Variants in MAPK10 observed in about 807,000 individuals in gnomAD.
The protein encoded by MAPK10 is JNK3 alpha protein kinase.
MAPK10 carries 25 observed loss-of-function variants against 59.3 expected under a neutral mutation model. The ratio of observed to expected loss-of-function variants is 0.42; its 90% CI spans 0.31 to 0.59. The LOEUF (loss-of-function observed/expected upper bound fraction) is 0.59, where lower values mean the gene tolerates loss of function less well. MAPK10 is among the 20% of genes least tolerant of loss of function. MAPK10 has a pLI of 0.15. For missense variants in MAPK10, 351 were observed against 568.9 expected, an observed-to-expected ratio of 0.62 and a Z score of 3.90; for synonymous variants, 190 against 200.5, an observed-to-expected ratio of 0.95 and a Z score of 0.44.
intron 1 of MAPK10, chr4:86,384,375 TCAAA>T (rs1484756006): frequency 2.0e-5 from 3 of 152,148 alleles, no homozygotes; most frequent in Non-Finnish European, 4.4e-5. Context: ...TGTAGTGTAC[TCAAA>T]CAAACAGCAA....
At chr4:86,446,756 G>C (rs1750098576) in intron 1 of MAPK10, among the ~76,000 whole-genome samples, 1 of 152,070 alleles carries the variant, frequency 6.6e-6, no homozygotes, top group Non-Finnish European at 1.5e-5. Flanking sequence ...TTTAAATTTA[G>C]GGGTGTGAAA....
chr4:86,226,718 C>T (rs1488613135), intron 2 of MAPK10, among the ~76,000 whole-genome samples: 5 of 152,162 alleles, frequency 3.3e-5, no homozygotes, highest in African/African-American at 4.8e-5. Context: ...AAATAAGAAA[C>T]GACAGATGTG....
intron 3 of MAPK10, among the ~76,000 whole-genome samples, chr4:86,179,059 A>G (rs1045700329): frequency 2.0e-5 from 3 of 151,952 alleles, no homozygotes; most frequent in Admixed American, 6.6e-5. Flanking sequence ...AGAATTAGCC[A>G]GGCATGGTGG....
At chr4:86,317,696 T>C (rs912601550) in intron 2 of MAPK10, among the ~76,000 whole-genome samples, 1 of 152,218 alleles carries the variant, frequency 6.6e-6, no homozygotes, top group Admixed American at 6.5e-5. Flanking sequence ...GTTGACCTCA[T>C]ACCTCTTCCA....
chr4:86,360,723 C>T (rs1578894674), upstream of MAPK10, among the ~76,000 whole-genome samples: 3 of 152,056 alleles, frequency 2.0e-5, no homozygotes, highest in East Asian at 5.8e-4. Context: ...TGTACTGTTA[C>T]TATTTGGGGC....
intron 11 of MAPK10, among the ~76,000 whole-genome samples, chr4:86,041,828 G>A (rs894358538): frequency 3.3e-5 from 5 of 152,180 alleles, no homozygotes; most frequent in African/African-American, 4.8e-5. Flanking sequence ...AGATGCTGGC[G>A]AGGCTGTGGA....
At chr4:86,425,913 G>A (rs1023338840) in intron 1 of MAPK10, among the ~76,000 whole-genome samples, 2 of 152,186 alleles carry the variant, frequency 1.3e-5, no homozygotes, top group African/African-American at 4.8e-5. Flanking sequence ...AGAGGTCGCA[G>A]TGAGCCGAGA....
chr4:86,082,919 A>C (rs1166548160), intron 9 of MAPK10, among the ~76,000 whole-genome samples: 1 of 152,172 alleles, frequency 6.6e-6, no homozygotes, highest in Non-Finnish European at 1.5e-5. Flanking sequence ...GGTGCAGTCC[A>C]TCTAGCCATG....
chr4:86,543,886 A>C (rs1758928975), intron 1 of MAPK10, among the ~76,000 whole-genome samples: 1 of 152,368 alleles, frequency 6.6e-6, no homozygotes, highest in Non-Finnish European at 1.5e-5. Flanking sequence ...CTAAACAAAC[A>C]AACAAAAATA....
chr4:86,216,855 T>A (rs923138334), intron 2 of MAPK10, among the ~76,000 whole-genome samples: 6 of 152,080 alleles, frequency 3.9e-5, no homozygotes, highest in Non-Finnish European at 8.8e-5. Context: ...TAGATAGAAA[T>A]ATGCACATTA....
At chr4:86,128,070 A>C (rs1015112670) in intron 4 of MAPK10, among the ~76,000 whole-genome samples, 5 of 152,062 alleles carry the variant, frequency 3.3e-5, no homozygotes, top group Non-Finnish European at 7.4e-5. Flanking sequence ...TTAGACTGGA[A>C]AAACCATGGG....
At chr4:86,158,195 CT>C (rs144309115) in intron 4 of MAPK10, among the ~76,000 whole-genome samples, 12,753 of 151,086 alleles carry the variant, frequency 0.084, 1,198 homozygotes, top group African/African-American at 0.23. Flanking sequence ...TTTTAAACCT[CT>C]TTTTTTTTAT....
chr4:86,168,564 C>T (rs935060595), intron 3 of MAPK10, among the ~76,000 whole-genome samples: 26 of 152,198 alleles, frequency 1.7e-4, no homozygotes, highest in Admixed American at 1.4e-3. Flanking sequence ...CCCGGAAGCT[C>T]CAACTGGGTG....
intron 1 of MAPK10, among the ~76,000 whole-genome samples, chr4:86,380,217 T>C (rs1740474859): frequency 6.6e-6 from 1 of 152,048 alleles, no homozygotes; most frequent in Non-Finnish European, 1.5e-5. Flanking sequence ...AGTGAAACTC[T>C]GTCTAAAAAA....
chr4:86,388,668 C>T (rs999216680), intron 1 of MAPK10, among the ~76,000 whole-genome samples: 5 of 151,946 alleles, frequency 3.3e-5, no homozygotes, highest in Non-Finnish European at 1.5e-5. Context: ...TCAAGGATGG[C>T]GATTGAATCC....
At chr4:86,413,740 C>T (rs1403795472) in intron 1 of MAPK10, among the ~76,000 whole-genome samples, 1 of 152,230 alleles carries the variant, frequency 6.6e-6, no homozygotes, top group Non-Finnish European at 1.5e-5. Flanking sequence ...GGGACTGTAT[C>T]TCCTGGTCCG....
chr4:86,469,934 C>T (rs571025428), intron 1 of MAPK10, among the ~76,000 whole-genome samples: 2 of 152,154 alleles, frequency 1.3e-5, no homozygotes, highest in African/African-American at 4.8e-5. Context: ...TTCTAAAAGC[C>T]ATAGCAGAAA....
At chr4:86,154,603 C>G (rs187029435) in intron 4 of MAPK10, among the ~76,000 whole-genome samples, 1 of 152,012 alleles carries the variant, frequency 6.6e-6, no homozygotes, top group African/African-American at 2.4e-5. Context: ...CTAAAAGTCA[C>G]GACAATTTCA....
chr4:86,511,341 G>A (rs1406634808), intron 1 of MAPK10, among the ~76,000 whole-genome samples: 1 of 152,006 alleles, frequency 6.6e-6, no homozygotes, highest in Non-Finnish European at 1.5e-5. Flanking sequence ...TGGATTGCAT[G>A]AGCTCAGGAG....
Sources: allele counts gnomAD v4.1 joint callset (sites outside exome capture counted in the v4.1 genomes callset), GRCh38; gene constraint gnomAD v4.1.1; transcripts MANE v1.5; gene names NCBI Gene and HGNC (gene_info 2026-07-23, HGNC 2026-07-21).